The following SEC24C variants were observed in gnomAD, a reference collection of about 807,000 sequenced individuals.
SEC24C encodes SEC24 homolog C, COPII component, also known as protein transport protein Sec24C.
SEC24C carries 22 observed loss-of-function variants against 117.0 expected under a neutral mutation model. The ratio of observed to expected loss-of-function variants is 0.19; its 90% CI spans 0.13 to 0.27. SEC24C has a LOEUF of 0.27. Among genes scored for constraint, SEC24C ranks in the 10% least tolerant of loss-of-function variants. SEC24C has a pLI of 1.00. For missense variants in SEC24C, 1,155 were observed against 1,375.1 expected (o/e 0.84, Z 2.53); for synonymous variants, 506 against 529.4 (o/e 0.96, Z 0.61).
At chr10:73,755,201 GT>G (rs1208612371) in intron 3 of SEC24C, among the ~76,000 whole-genome samples, 2 of 152,138 alleles carry the variant, frequency 1.3e-5, no homozygotes, top group African/African-American at 4.8e-5. Context: ...AGCCGGGAGA[GT>G]GTGGTGTCCT....
Position 73,747,844 on chromosome 10 carries a change from A to G in SEC24C, c.172+840A>G, listed in dbSNP as rs185446977. 8.6e-5 allele frequency among the ~76,000 whole-genome samples: 13 copies of G among 151,798 alleles called. No individual in the cohort carries two copies. The East Asian group carries it at 2.3e-3, about 27-fold the overall frequency. On this transcript the variant is annotated intron_variant, in intron 2 of 22. Transcript: ENST00000345254. ...CCTGCTAATTTTGTATCTTTAGTAG[A>G]GATGGGGTTTCTCCATGTTGGTCAG...
intron 3 of SEC24C, among the ~76,000 whole-genome samples, chr10:73,752,941 C>G (rs1047825365): frequency 6.6e-6 from 1 of 152,204 alleles, no homozygotes; most frequent in African/African-American, 2.4e-5. Flanking sequence ...TAGAACTTTG[C>G]CACTCACCCC....
chr10:73,770,221 G>C (rs551757111), intron 20 of SEC24C, 59 bp from the exon 21 acceptor site: 20 of 1,489,050 alleles, frequency 1.3e-5, no homozygotes, highest in Admixed American at 8.1e-5. Flanking sequence ...TGTGTGGTGC[G>C]GGGGGGCAGA....
chr10:73,750,429 T>C (rs956492408), intron 2 of SEC24C, among the ~76,000 whole-genome samples: 24 of 152,188 alleles, frequency 1.6e-4, no homozygotes, highest in African/African-American at 2.7e-4. Context: ...TGGTGGTGGT[T>C]CTAAGGAATA....
Position 73,746,977 on chromosome 10 carries a change from C to G in SEC24C, c.145C>G (p.Pro49Ala), listed in dbSNP as rs781167896. 3 of 1,613,124 alleles carry G rather than the reference C, an allele frequency of 1.9e-6. No homozygotes were observed. Residue 49 changes from proline to alanine, a missense_variant, in exon 2 of 23, where the codon CCA becomes GCA. By Grantham distance (27) the Pro-to-Ala change is conservative. Transcript: ENST00000345254. ...CTATGGAGCCTACAATGGCCCAGTA[C>G]CAGGCTATCAGCAAACACCTCCCCA... is the stretch of plus-strand genomic sequence containing the variant. ...IPYGAYNGPV[P>A]GYQQTPPQGM... is the part of the protein sequence containing the mutation.
In SEC24C at chr10:73,759,763, C is replaced by T. The variant is rs769582956; in HGVS notation, c.450C>T (p.Ala150=). The change falls in exon 4 of 23, where the codon GCC becomes GCT. Residue 150 remains alanine, a synonymous_variant. Transcript: ENST00000345254. ...GAATGCAGATCAGCGGTGCTGTGGC[C>T]CCAGCCCCTCCTTCTTCAGGGCTGG... ...LSGMQISGAV[A]PAPPSSGLGF... 2 of 1,598,850 alleles carry T rather than the reference C, an allele frequency of 1.3e-6. No homozygotes were observed. The highest frequency in any genetic ancestry group is 1.8e-5 in the Admixed American group (1 of 56,092).
chr10:73,770,225 G>T, intron 20 of SEC24C, 55 bp from the exon 21 acceptor site: 2 of 1,513,020 alleles, frequency 1.3e-6, no homozygotes, highest in Non-Finnish European at 1.8e-6. Context: ...TGGTGCGGGG[G>T]GGCAGACTTG....
intron 6 of SEC24C, chr10:73,762,190 G>C: frequency 1.6e-6 from 2 of 1,286,264 alleles, no homozygotes; most frequent in African/African-American, 3.0e-5. Flanking sequence ...GTGGGTGTTT[G>C]TGCATGTCAT....
chr10:73,765,362 CCTT>C, intron 8 of SEC24C, 86 bp from the exon 9 acceptor site: 1 of 1,458,604 alleles, frequency 6.9e-7, no homozygotes, highest in South Asian at 1.2e-5. Flanking sequence ...GCGCCATGCG[CCTT>C]CTTCCTCCGG....
intron 1 of SEC24C, 37 bp from the exon 2 acceptor site, chr10:73,746,768 A>G: frequency 6.8e-7 from 1 of 1,468,016 alleles, no homozygotes; most frequent in Non-Finnish European, 9.3e-7. Context: ...CTCTCTTTAG[A>G]AAGTTCATTT....
At chr10:73,766,661 C>G (rs2082888804) in intron 12 of SEC24C, 99 bp from the exon 13 acceptor site, 1 of 1,439,460 alleles carries the variant, frequency 6.9e-7, no homozygotes, top group African/African-American at 1.4e-5. Flanking sequence ...CAGGAGTTGT[C>G]AGATTCTAGA....
rs1440691246 is a variant in SEC24C, at chr10:73,763,518, A to T, written c.1016A>T (p.Asn339Ile). 6.2e-7 allele frequency: 1 copy of T among 1,613,558 alleles called. No individual in the cohort carries two copies. Among genetic ancestry groups the T allele is most frequent in the Non-Finnish European group, 8.5e-7 (1 of 1,179,656 alleles). The change falls in exon 7 of 23, where the codon AAC becomes ATC. Residue 339 changes from asparagine (N) to isoleucine (I), a missense_variant. Coordinates refer to ENST00000345254, the MANE Select transcript of SEC24C (RefSeq NM_198597.3). ...CAGGTCATTGAAGATGACAGGAACA[A>T]CCGGGGTACAGAGCCATTTGTTACT... ...PIQVIEDDRN[N>I]RGTEPFVTGV...
chr10:73,769,531 A>C lies in SEC24C; in HGVS notation c.2563+46A>C. 1 of 1,613,768 alleles carries C rather than the reference A, an allele frequency of 6.2e-7. No individual in the cohort carries two copies. The highest frequency in any genetic ancestry group is 8.5e-7 in the Non-Finnish European group (1 of 1,179,740). ...GGGTGGGATTGGGGCTGAGAGGTCC[A>C]GGATGGTGAGTGGGTAGTTGTGATG... On this transcript the variant is annotated intron_variant, in intron 18 of 22. Coordinates refer to ENST00000345254, the MANE Select transcript of SEC24C (RefSeq NM_198597.3). This position sits in a 1 kb window ranked among gnomAD's most constrained non-coding sequence, Gnocchi z 4.5.
chr10:73,748,060 G>T (rs912754090), intron 2 of SEC24C, among the ~76,000 whole-genome samples: 2 of 152,140 alleles, frequency 1.3e-5, no homozygotes, highest in African/African-American at 2.4e-5. Context: ...CTCCCAAAAT[G>T]CTGGGATTAC....
intron 2 of SEC24C, among the ~76,000 whole-genome samples, chr10:73,748,931 T>G (rs1415522432): frequency 6.6e-6 from 1 of 151,496 alleles, no homozygotes; most frequent in African/African-American, 2.4e-5. Flanking sequence ...TTAGTAGAGA[T>G]GGGATTTTGC....
chr10:73,763,948 G>A lies in SEC24C; in HGVS notation c.1192G>A (p.Val398Ile). 1 of 1,606,904 alleles carries A rather than the reference G, an allele frequency of 6.2e-7. No individual in the cohort carries two copies. The highest frequency in any genetic ancestry group is 1.3e-5 in the African/African-American group (1 of 74,944). The change falls in exon 8 of 23, where the codon GTC (valine) becomes ATC (isoleucine). Residue 398 changes from valine (V) to isoleucine (I), a missense_variant. Physicochemically the swap from Val to Ile is conservative, Grantham distance 29. Transcript: ENST00000345254. ...GCAGGCTCAGGTGCCCCTGGCAGCA[G>A]TCATCAAACCGCTGGCAAGGCTGCC... is the stretch of plus-strand genomic sequence containing the variant. ...AKQAQVPLAA[V>I]IKPLARLPPE...
intron 3 of SEC24C, 25 bp from the exon 4 acceptor site, chr10:73,759,597 A>G: frequency 6.8e-7 from 1 of 1,481,326 alleles, no homozygotes; most frequent in South Asian, 1.4e-5. Flanking sequence ...CCCACTAGTC[A>G]CCTCTGCTTG....
intron 1 of SEC24C, among the ~76,000 whole-genome samples, chr10:73,746,006 A>G (rs1237087935): frequency 6.6e-6 from 1 of 151,802 alleles, no homozygotes; most frequent in African/African-American, 2.4e-5. Flanking sequence ...CTAAAAATAC[A>G]AAAACTAGCT....
intron 2 of SEC24C, among the ~76,000 whole-genome samples, chr10:73,749,745 T>C (rs575064597): frequency 1.5e-4 from 23 of 152,154 alleles, no homozygotes; most frequent in Non-Finnish European, 2.8e-4. Context: ...GGTTTCACCA[T>C]GTTGGCCAGG....
Sources: allele counts gnomAD v4.1 joint callset (sites outside exome capture counted in the v4.1 genomes callset), GRCh38; gene constraint gnomAD v4.1.1; non-coding constraint Gnocchi (gnomAD v3.1); transcripts MANE v1.5; gene names NCBI Gene and HGNC (gene_info 2026-07-23, HGNC 2026-07-21).